TRAPPC9: variants seen among roughly 807,000 people sequenced by gnomAD.
TRAPPC9 encodes the protein IKK2 binding protein.
TRAPPC9 carries 83 observed loss-of-function variants against 124.0 expected under a neutral mutation model. That is an observed-to-expected ratio of 0.67 (90% CI 0.56 to 0.80). TRAPPC9 has a LOEUF of 0.80. Among genes scored for constraint, TRAPPC9 ranks in the 30% least tolerant of loss-of-function variants. The pLI is 0.00. For missense variants in TRAPPC9, 1,302 were observed against 1,508.3 expected (o/e 0.86, Z 2.27); for synonymous variants, 638 against 617.5 (o/e 1.03, Z -0.49).
At position 139,977,566 on chromosome 8, in the gene TRAPPC9, G is replaced by A. The variant is rs1368077207; in HGVS notation, c.2810+11160C>T. ...CTGGGAGGCAGAGCTTGCAGAGAGC[G>A]GAGATCGCGCCACTGCACTCCAGCC... On this transcript the variant is annotated intron_variant, in intron 19 of 22. Coordinates refer to ENST00000438773, the MANE Select transcript of TRAPPC9 (RefSeq NM_001160372.4). 2.0e-4 allele frequency among the ~76,000 whole-genome samples: 30 copies of A among 150,422 alleles called. 1 individual carries two copies. The highest frequency in any genetic ancestry group is 6.0e-4 in the East Asian group (3 of 4,990).
intron 1 of TRAPPC9, among the ~76,000 whole-genome samples, chr8:140,456,063 G>A (rs1251120350): frequency 1.3e-5 from 2 of 152,114 alleles, no homozygotes; most frequent in Non-Finnish European, 2.9e-5. Context: ...TCTTTCTGGG[G>A]TGATGAAAAT....
intron 14 of TRAPPC9, among the ~76,000 whole-genome samples, chr8:140,283,423 T>C (rs2065387004): frequency 1.3e-5 from 2 of 148,280 alleles, no homozygotes; most frequent in Admixed American, 6.8e-5. Flanking sequence ...GTCTCCTGAG[T>C]AGCTGTGACT....
intron 18 of TRAPPC9, among the ~76,000 whole-genome samples, chr8:140,004,624 T>TG (rs558926260): frequency 8.1e-4 from 123 of 152,124 alleles, no homozygotes; most frequent in African/African-American, 2.7e-3. Context: ...ACTATAAACA[T>TG]GGGGGGTGGG....
At chr8:139,750,975 T>C (rs959410295) in intron 21 of TRAPPC9, among the ~76,000 whole-genome samples, 20 of 152,182 alleles carry the variant, frequency 1.3e-4, no homozygotes, top group Non-Finnish European at 7.4e-5. Context: ...TGATGGAGTC[T>C]CTGGCCCACC....
At chr8:140,088,509 C>T (rs1248625149) in intron 17 of TRAPPC9, among the ~76,000 whole-genome samples, 1 of 152,132 alleles carries the variant, frequency 6.6e-6, no homozygotes, top group Non-Finnish European at 1.5e-5. Flanking sequence ...GACTTGAGAG[C>T]TGAATATAAA....
chr8:139,906,828 C>T (rs779896711), intron 20 of TRAPPC9, among the ~76,000 whole-genome samples: 1 of 152,228 alleles, frequency 6.6e-6, no homozygotes, highest in Non-Finnish European at 1.5e-5. Flanking sequence ...GGGGCGCTTG[C>T]ATCTTTGCAA....
intron 21 of TRAPPC9, among the ~76,000 whole-genome samples, chr8:139,885,404 G>T (rs966041193): frequency 7.9e-5 from 12 of 152,200 alleles, no homozygotes; most frequent in Non-Finnish European, 1.5e-5. Flanking sequence ...CAGACAGCAT[G>T]AAAAGCTGTC....
rs3739373 is a variant in TRAPPC9 at position 139,729,308 on chromosome 8, T to C, written c.*1753A>G. ...ATCATCCTGCAATGTGTTGTTTCATTCAATGGCGTATTTTTGGGCTCTGTT... is the reference window on the plus strand; with the variant it reads ...ATCATCCTGCAATGTGTTGTTTCATCCAATGGCGTATTTTTGGGCTCTGTT... On this transcript the variant is annotated 3_prime_UTR_variant, in exon 23 of 23. Coordinates refer to ENST00000438773, the MANE Select transcript of TRAPPC9 (RefSeq NM_001160372.4). 0.059 allele frequency among the ~76,000 whole-genome samples: 8,968 copies of C among 152,334 alleles called. 379 individuals are homozygous for C. The highest frequency in any genetic ancestry group is 0.12 in the Admixed American group (1,897 of 15,310).
At chr8:140,181,560 G>A (rs1451294825) in intron 17 of TRAPPC9, among the ~76,000 whole-genome samples, 1 of 152,114 alleles carries the variant, frequency 6.6e-6, no homozygotes, top group Non-Finnish European at 1.5e-5. Flanking sequence ...CAAAGTGCTG[G>A]AATTACAGGT....
At chr8:139,786,400 C>T (rs189080109) in intron 21 of TRAPPC9, among the ~76,000 whole-genome samples, 55 of 152,164 alleles carry the variant, frequency 3.6e-4, no homozygotes, top group South Asian at 8.3e-4. Flanking sequence ...TGAAAATGAC[C>T]GACCACATCA....
At chr8:140,390,782 T>G (rs1316181703) in intron 7 of TRAPPC9, among the ~76,000 whole-genome samples, 2 of 152,178 alleles carry the variant, frequency 1.3e-5, no homozygotes, top group African/African-American at 2.4e-5. Context: ...CAGTTCCCTC[T>G]CTCTCCTTTT....
At position 139,861,058 on chromosome 8, in the gene TRAPPC9, G is replaced by C. The variant is rs563262821; in HGVS notation, c.3055+24821C>G. On this transcript the variant is annotated intron_variant, in intron 21 of 22. Coordinates refer to ENST00000438773, the MANE Select transcript of TRAPPC9 (RefSeq NM_001160372.4). ...ATTTTCTGTCAGGCGGCATATGCTG[G>C]CGGGAAGAACTGGGTTCCGTTTGTG... Among the ~76,000 whole-genome samples the C allele has an allele frequency of 2.0e-5, 3 of 152,378 alleles. No individual in the cohort carries two copies. In the South Asian group the frequency reaches 6.2e-4, roughly 32 times the overall value.
intron 19 of TRAPPC9, among the ~76,000 whole-genome samples, chr8:139,958,403 T>G (rs918950572): frequency 6.6e-6 from 1 of 152,170 alleles, no homozygotes; most frequent in African/African-American, 2.4e-5. Context: ...GATGTCTCCA[T>G]GAGACTCACA....
At chr8:140,184,398 T>C (rs1409706031) in intron 17 of TRAPPC9, among the ~76,000 whole-genome samples, 1 of 152,216 alleles carries the variant, frequency 6.6e-6, no homozygotes, top group African/African-American at 2.4e-5. Context: ...CTTTATATTT[T>C]AGAATCATTA....
At chr8:139,815,856 G>A (rs1355703759) in intron 21 of TRAPPC9, among the ~76,000 whole-genome samples, 1 of 152,198 alleles carries the variant, frequency 6.6e-6, no homozygotes, top group Non-Finnish European at 1.5e-5. Context: ...AAACACGGGT[G>A]GCTCTTGTGC....
At chr8:139,866,626 C>G (rs2131010130) in intron 21 of TRAPPC9, among the ~76,000 whole-genome samples, 1 of 152,266 alleles carries the variant, frequency 6.6e-6, no homozygotes, top group Non-Finnish European at 1.5e-5. Flanking sequence ...GAAAGCCGAC[C>G]TCTCCATGCT....
intron 21 of TRAPPC9, among the ~76,000 whole-genome samples, chr8:139,800,688 G>A (rs992844762): frequency 1.3e-5 from 2 of 152,136 alleles, no homozygotes; most frequent in African/African-American, 4.8e-5. Flanking sequence ...GTCCATGGCA[G>A]GGCAGGGACT....
intron 17 of TRAPPC9, among the ~76,000 whole-genome samples, chr8:140,030,563 G>A (rs772876174): frequency 2.0e-5 from 3 of 152,090 alleles, no homozygotes; most frequent in African/African-American, 4.8e-5. Context: ...AAATGTCCAC[G>A]GAGACTTTAT....
rs534053443 is a variant in TRAPPC9 at position 140,170,042 on chromosome 8, A to G, written c.2556+51417T>C. On this transcript the variant is annotated intron_variant, in intron 17 of 22. Transcript: ENST00000438773. ...TGTGAGCCACTGTGCCCTGCTATAT[A>G]TGAGTCTTTTACATGACTTTTTAAA... Among the ~76,000 whole-genome samples the G allele has an allele frequency of 7.9e-5, 12 of 152,320 alleles. No homozygotes were observed. The South Asian group carries it at 2.3e-3, about 29-fold the overall frequency.
Sources: gnomAD v4.1 joint callset for allele counts (sites outside exome capture counted in the v4.1 genomes callset) on GRCh38, gnomAD v4.1.1 for gene constraint, MANE v1.5 for transcripts, NCBI Gene and HGNC (gene_info 2026-07-23, HGNC 2026-07-21) for gene names.